The following MARK2 variants were observed in gnomAD, a reference collection of about 807,000 sequenced individuals.
MARK2 encodes microtubule affinity regulating kinase 2.
MARK2 carries 16 observed loss-of-function variants against 89.8 expected under a neutral mutation model. That is an observed-to-expected ratio of 0.18 (90% CI 0.12 to 0.27). The LOEUF is 0.27. Ranked by LOEUF, MARK2 falls within the 10% of genes least tolerant of loss-of-function variation. MARK2 has a pLI of 1.00. For missense variants in MARK2, 621 were observed against 1,049.9 expected (o/e 0.59, Z 5.65); for synonymous variants, 382 against 399.5 (o/e 0.96, Z 0.52).
At position 63,908,871 on chromosome 11, in the gene MARK2, C is replaced by T; in HGVS notation, c.2007-6C>T. On this transcript the variant is annotated splice_region_variant and splice_polypyrimidine_tract_variant and intron_variant, in intron 18 of 18. Transcript: ENST00000402010. ...CCCGTGACGCCCGCCTCTGCCCTCT[C>T]CACAGACCTCACGTGGTGGGCAGTG... The T allele has an allele frequency of 6.7e-7, 1 of 1,495,286 alleles. No homozygotes were observed. Among genetic ancestry groups the T allele is most frequent in the Middle Eastern group, 1.8e-4 (1 of 5,514 alleles). The allele number at this position is 1,495,286 out of a possible 1,614,324, so 92.6% of individuals were successfully genotyped here.
chr11:63,849,469 T>C (rs994830717), intron 1 of MARK2, among the ~76,000 whole-genome samples: 9 of 152,056 alleles, frequency 5.9e-5, no homozygotes, highest in Non-Finnish European at 1.2e-4. Flanking sequence ...GCAGGTTTGG[T>C]GGGCCGGGCG....
Position 63,849,787 on chromosome 11 carries a change from T to C in MARK2, c.54+10227T>C, listed in dbSNP as rs79977912. 6.3e-3 allele frequency among the ~76,000 whole-genome samples: 953 copies of C among 152,276 alleles called. 14 individuals carry two copies. The highest frequency in any genetic ancestry group is 0.022 in the African/African-American group (913 of 41,556). On this transcript the variant is annotated intron_variant, in intron 1 of 18. Transcript: ENST00000402010. ...ATAAGAGCAGGTTTTGCGGCTAGAT[T>C]TCCTGTATTGGAATCCTGGATCATC... is the stretch of plus-strand genomic sequence containing the variant.
Position 63,908,773 on chromosome 11 carries a change from C to T in MARK2, c.2007-104C>T, listed in dbSNP as rs972971618. On this transcript the variant is annotated intron_variant, in intron 18 of 18. Coordinates refer to ENST00000402010, the MANE Select transcript of MARK2 (RefSeq NM_001039469.3). ...GGGCCACGCCTGGCTGCTCCTGCTC[C>T]CTCCCGCTCTCCTCTCTGGGCTCAG... 9.9e-6 allele frequency: 12 copies of T among 1,215,386 alleles called. No homozygotes were observed. In the African/African-American group the frequency reaches 1.5e-4, roughly 15 times the overall value. The allele number at this position is 1,215,386 out of a possible 1,614,324, so 75.3% of individuals were successfully genotyped here. A position where few individuals can be genotyped will look rare whatever the true frequency, so the allele number is the denominator to read the frequency against.
At chr11:63,892,804 G>A (rs1939993058) in intron 1 of MARK2, among the ~76,000 whole-genome samples, 1 of 145,718 alleles carries the variant, frequency 6.9e-6, no homozygotes, top group Non-Finnish European at 1.5e-5. Flanking sequence ...ATGGCTCACT[G>A]CAGCCTCGAA....
intron 1 of MARK2, among the ~76,000 whole-genome samples, chr11:63,894,625 G>A (rs1940207609): frequency 6.6e-6 from 1 of 152,224 alleles, no homozygotes; most frequent in Admixed American, 6.5e-5. Context: ...GAACCCGGGA[G>A]GTGGAGGTTG....
chr11:63,901,692 C>CTG (rs56308004), intron 11 of MARK2, among the ~76,000 whole-genome samples: 32,507 of 134,622 alleles, frequency 0.24, 4,459 homozygotes, highest in African/African-American at 0.42. Context: ...GTGTGTGTAT[C>CTG]TGTGTGTGTG....
At position 63,904,712 on chromosome 11, in the gene MARK2, G is replaced by C; in HGVS notation, c.1677-74G>C. On this transcript the variant is annotated intron_variant, in intron 15 of 18. Transcript: ENST00000402010. This position sits in a 1 kb window ranked among gnomAD's most constrained non-coding sequence, Gnocchi z 6.3. Reference sequence around the variant, plus strand: ...CATCCCCCTCCCTGTCCCCACCACAGGGTGTCCAGGTGCCCAGTGATGGCT... The same window carrying C: ...CATCCCCCTCCCTGTCCCCACCACACGGTGTCCAGGTGCCCAGTGATGGCT... The C allele has an allele frequency of 7.1e-7, 1 of 1,399,552 alleles. No individual in the cohort carries two copies. Among genetic ancestry groups the C allele is most frequent in the Non-Finnish European group, 1.0e-6 (1 of 996,590 alleles). 86.7% of individuals were successfully genotyped at this position (1,399,552 alleles called of 1,614,324 possible).
chr11:63,845,705 T>C (rs1436048987), intron 1 of MARK2, among the ~76,000 whole-genome samples: 2 of 152,142 alleles, frequency 1.3e-5, no homozygotes, highest in Non-Finnish European at 2.9e-5. Context: ...TCCTTTTTGT[T>C]ATAGGCCATT....
At chr11:63,853,293 G>C (rs1479025690) in intron 1 of MARK2, among the ~76,000 whole-genome samples, 1 of 152,080 alleles carries the variant, frequency 6.6e-6, no homozygotes, top group Non-Finnish European at 1.5e-5. Flanking sequence ...CAGCTACTCG[G>C]GAGGCTGAGG....
At chr11:63,874,126 T>TG (rs1422901348) in intron 1 of MARK2, among the ~76,000 whole-genome samples, 3 of 152,210 alleles carry the variant, frequency 2.0e-5, no homozygotes, top group Non-Finnish European at 4.4e-5. Flanking sequence ...TCCTGTGTCT[T>TG]GCGGCCAGCG....
chr11:63,847,383 T>C (rs2016337234), intron 1 of MARK2, among the ~76,000 whole-genome samples: 1 of 152,196 alleles, frequency 6.6e-6, no homozygotes, highest in African/African-American at 2.4e-5. Flanking sequence ...GAGGGACAAC[T>C]GGTGCCTGGC....
At chr11:63,840,888 A>C (rs373730408) in intron 1 of MARK2, among the ~76,000 whole-genome samples, 1 of 152,036 alleles carries the variant, frequency 6.6e-6, no homozygotes, top group East Asian at 1.9e-4. Context: ...TTTTCACCCA[A>C]GTCTTAGCCT....
intron 1 of MARK2, chr11:63,868,962 C>T (rs995184972): frequency 6.8e-6 from 3 of 439,810 alleles, no homozygotes; most frequent in South Asian, 4.8e-5. Flanking sequence ...GTCGCTTTTC[C>T]TGATTGACCC....
At position 63,903,067 on chromosome 11, in the gene MARK2, G is replaced by A. The variant is rs376300912; in HGVS notation, c.1423G>A (p.Val475Ile). 8.7e-6 allele frequency: 14 copies of A among 1,613,760 alleles called. No individual in the cohort carries two copies. The highest frequency in any genetic ancestry group is 2.7e-5 in the African/African-American group (2 of 74,922). ...KTTPTPSTNS[V>I]LSTSTNRSRN... ...TGCCCTTTATTCCCCACAGAACAGC[G>A]TCCTCTCCACCAGCACAAATCGAAG... Residue 475 changes from valine to isoleucine, a missense_variant, in exon 14 of 19, where the codon GTC (valine) becomes ATC (isoleucine). Physicochemically the swap from Val to Ile is conservative, Grantham distance 29 (BLOSUM62 3). This residue lies in a region of MARK2 where 397 missense variants were observed against 567.8 expected (regional missense o/e 0.70). Transcript: ENST00000402010. The surrounding 1 kb of genome is among the most constrained non-coding windows in gnomAD (Gnocchi z 5.1).
intron 1 of MARK2, among the ~76,000 whole-genome samples, chr11:63,842,198 C>T (rs1317400260): frequency 6.6e-6 from 1 of 151,790 alleles, no homozygotes; most frequent in African/African-American, 2.4e-5. Flanking sequence ...TGCACCTATT[C>T]CAGACAGATT....
intron 1 of MARK2, among the ~76,000 whole-genome samples, chr11:63,881,061 T>C (rs1397323682): frequency 2.6e-5 from 4 of 152,158 alleles, no homozygotes; most frequent in African/African-American, 9.7e-5. Flanking sequence ...CCCAGCACTT[T>C]GGGAGGCCAA....
At chr11:63,856,222 C>T (rs1471008770) in intron 1 of MARK2, among the ~76,000 whole-genome samples, 1 of 151,652 alleles carries the variant, frequency 6.6e-6, no homozygotes, top group Non-Finnish European at 1.5e-5. Flanking sequence ...CTTCTGGTTC[C>T]AGAAGCTAGT....
At chr11:63,854,027 C>A (rs1175596820) in intron 1 of MARK2, among the ~76,000 whole-genome samples, 3 of 152,002 alleles carry the variant, frequency 2.0e-5, no homozygotes, top group Non-Finnish European at 2.9e-5. Flanking sequence ...CACCTGCCAC[C>A]ACGCCTGGCT....
intron 1 of MARK2, among the ~76,000 whole-genome samples, chr11:63,863,837 A>C (rs1288721690): frequency 6.6e-6 from 1 of 151,874 alleles, no homozygotes; most frequent in Non-Finnish European, 1.5e-5. Context: ...TAGTGGCCCA[A>C]ACATGGCTCA....
Sources: gnomAD v4.1 joint callset for allele counts (sites outside exome capture counted in the v4.1 genomes callset) on GRCh38, gnomAD v4.1.1 for gene constraint, gnomAD v4.1.1 regional missense constraint, Gnocchi (gnomAD v3.1) non-coding constraint, MANE v1.5 for transcripts, NCBI Gene and HGNC (gene_info 2026-07-23, HGNC 2026-07-21) for gene names.